The following ZZZ3 variants were observed in gnomAD, a reference collection of about 807,000 sequenced individuals.
ZZZ3 encodes the protein ZZ-type zinc finger-containing protein 3.
In ZZZ3, 22 loss-of-function variants were observed where a neutral mutation model predicts 95.2. The ratio of observed to expected loss-of-function variants is 0.23; its 90% confidence interval spans 0.17 to 0.33. The LOEUF is 0.33. Among genes scored for constraint, ZZZ3 ranks in the 10% least tolerant of loss-of-function variants. The pLI is 1.00. For synonymous variants in ZZZ3, 335 were observed against 358.9 expected, an observed-to-expected ratio of 0.93 and a Z score of 0.75; for missense variants, 885 against 1,066.5, an observed-to-expected ratio of 0.83 and a Z score of 2.37.
chr1:77,657,650 C>T (rs776229384), intron 1 of ZZZ3, among the ~76,000 whole-genome samples: 24 of 152,146 alleles, frequency 1.6e-4, no homozygotes, highest in African/African-American at 2.9e-4. Flanking sequence ...AGTTCACAAA[C>T]GTGGAATCCA....
chr1:77,623,875 G>T (rs1667099757), intron 5 of ZZZ3, among the ~76,000 whole-genome samples: 1 of 151,214 alleles, frequency 6.6e-6, no homozygotes, highest in Non-Finnish European at 1.5e-5. Flanking sequence ...GCTTTCCACA[G>T]TAAAAGAAAT....
Position 77,564,580 on chromosome 1 carries a change from CTG to C in ZZZ3, c.*1058_*1059del, listed in dbSNP as rs1366187307. 1 of 152,568 alleles carries C rather than the reference CTG, an allele frequency of 6.6e-6. No homozygotes were observed. The highest frequency in any genetic ancestry group is 1.5e-5 in the Non-Finnish European group (1 of 68,008). 9.5% of individuals were successfully genotyped at this position (152,568 alleles called of 1,614,324 possible). ...CAAATGAACATCATTCAAGAACATA[CTG>C]TATACACAGATAAGAAGAAACATAC... On this transcript the variant is annotated 3_prime_UTR_variant, in exon 15 of 15. Transcript: ENST00000370801.
In ZZZ3 at chr1:77,621,024, T is replaced by C. The variant is rs1367943326; in HGVS notation, c.1505+10826A>G. Among the ~76,000 whole-genome samples the C allele has an allele frequency of 3.3e-5, 5 of 152,316 alleles. No homozygotes were observed. The South Asian group carries it at 8.3e-4, about 25-fold the overall frequency. Reference sequence around the variant, plus strand: ...TTGTAGAAACAAAAGCTTAGCATCATACTGCCAGCGAAAAATAATTGGAAG... The same window carrying C: ...TTGTAGAAACAAAAGCTTAGCATCACACTGCCAGCGAAAAATAATTGGAAG... On this transcript the variant is annotated intron_variant, in intron 5 of 14. Transcript: ENST00000370801.
intron 1 of ZZZ3, chr1:77,645,319 T>A (rs889378006): frequency 8.5e-5 from 13 of 152,216 alleles, no homozygotes; most frequent in Admixed American, 7.2e-4. Flanking sequence ...AAATACAAAT[T>A]TCTAGCTGGG....
intron 12 of ZZZ3, among the ~76,000 whole-genome samples, chr1:77,570,568 A>G (rs1661278418): frequency 6.6e-6 from 1 of 152,118 alleles, no homozygotes; most frequent in Admixed American, 6.6e-5. Context: ...CATCAAGTCC[A>G]AAGTCTTTGG....
chr1:77,628,142 G>A lies in ZZZ3; in HGVS notation c.1505+3708C>T, dbSNP rs114756511. Among the ~76,000 whole-genome samples the A allele has an allele frequency of 4.1e-3, 628 of 152,244 alleles. 2 individuals are homozygous for A. The highest frequency in any genetic ancestry group is 0.014 in the African/African-American group (589 of 41,542). On this transcript the variant is annotated intron_variant, in intron 5 of 14. Coordinates refer to ENST00000370801, the MANE Select transcript of ZZZ3 (RefSeq NM_015534.6). ...TTCAAAAATTAGCAAGGTCAATTCCGAAACAGAAAGGGCAATCACAGTTAA... is the reference window on the plus strand; with the variant it reads ...TTCAAAAATTAGCAAGGTCAATTCCAAAACAGAAAGGGCAATCACAGTTAA...
intron 5 of ZZZ3, among the ~76,000 whole-genome samples, chr1:77,592,836 T>C (rs946328652): frequency 1.3e-5 from 2 of 152,200 alleles, no homozygotes; most frequent in African/African-American, 4.8e-5. Flanking sequence ...AACTCTTCCC[T>C]GAAGACAACC....
intron 5 of ZZZ3, among the ~76,000 whole-genome samples, chr1:77,616,759 A>G (rs562242460): frequency 6.6e-6 from 1 of 152,166 alleles, no homozygotes; most frequent in Non-Finnish European, 1.5e-5. Flanking sequence ...CCAGCCCAGG[A>G]GGGAGACTGA....
chr1:77,591,873 G>A (rs1018380829), intron 5 of ZZZ3, among the ~76,000 whole-genome samples: 3 of 152,164 alleles, frequency 2.0e-5, no homozygotes, highest in African/African-American at 7.2e-5. Flanking sequence ...CAAAATCTAA[G>A]TGAAAGAATA....
intron 4 of ZZZ3, among the ~76,000 whole-genome samples, chr1:77,637,397 AT>A (rs906070897): frequency 6.6e-6 from 1 of 152,108 alleles, no homozygotes; most frequent in African/African-American, 2.4e-5. Flanking sequence ...CCCTCTGATC[AT>A]TTTTTTCTGT....
At chr1:77,575,282 G>A (rs1661816890) in intron 12 of ZZZ3, among the ~76,000 whole-genome samples, 4 of 152,122 alleles carry the variant, frequency 2.6e-5, no homozygotes, top group South Asian at 4.1e-4. Context: ...GGGGGCAGGG[G>A]GATTACTTTT....
At chr1:77,638,981 C>T (rs1668531783) in intron 4 of ZZZ3, among the ~76,000 whole-genome samples, 1 of 152,122 alleles carries the variant, frequency 6.6e-6, no homozygotes, top group South Asian at 2.1e-4. Flanking sequence ...TCTTTGAAGT[C>T]TGGGAACTCT....
At chr1:77,600,686 T>C (rs1664643418) in intron 5 of ZZZ3, among the ~76,000 whole-genome samples, 1 of 152,036 alleles carries the variant, frequency 6.6e-6, no homozygotes, top group Non-Finnish European at 1.5e-5. Context: ...AGAGATAACA[T>C]GCAGAAACGT....
intron 1 of ZZZ3, among the ~76,000 whole-genome samples, chr1:77,652,678 T>A (rs1197698101): frequency 6.6e-6 from 1 of 152,142 alleles, no homozygotes; most frequent in African/African-American, 2.4e-5. Flanking sequence ...ATAATAGTTA[T>A]AAAGTGGAAG....
chr1:77,614,705 AAT>A (rs1316139822), intron 5 of ZZZ3, among the ~76,000 whole-genome samples: 6 of 152,202 alleles, frequency 3.9e-5, no homozygotes, highest in Non-Finnish European at 8.8e-5. Flanking sequence ...TATACAGGGG[AAT>A]ATGTTACTAG....
intron 12 of ZZZ3, among the ~76,000 whole-genome samples, chr1:77,574,196 A>G (rs1172764639): frequency 1.3e-5 from 2 of 148,848 alleles, no homozygotes; most frequent in African/African-American, 2.4e-5. Context: ...ATATATCTAT[A>G]TATATGGCAA....
intron 9 of ZZZ3, 139 bp downstream of exon 9, chr1:77,580,859 C>CCG: frequency 5.9e-6 from 4 of 677,268 alleles, no homozygotes; most frequent in Non-Finnish European, 1.0e-5. Context: ...CTCCTGACTT[C>CCG]AAGTGATCCA....
intron 1 of ZZZ3, among the ~76,000 whole-genome samples, chr1:77,645,970 C>CAA (rs373733260): frequency 1.9e-4 from 11 of 57,814 alleles, no homozygotes; most frequent in Admixed American, 2.0e-4. Context: ...GACTCCATCT[C>CAA]AAAAAAAAAA....
Position 77,565,765 on chromosome 1 carries a change from G to A in ZZZ3, c.2587C>T (p.His863Tyr). Residue 863 changes from histidine (H) to tyrosine (Y), a missense_variant, in exon 15 of 15, where the codon CAC becomes TAC. Physicochemically the swap from His to Tyr is moderately conservative, Grantham distance 83. Around this residue, in one of 5 missense-constraint regions of ZZZ3, gnomAD observed 221 missense variants for 247.8 expected, o/e 0.89. Transcript: ENST00000370801. Reference protein sequence around the residue: ...CSDCLHETDIHKEDHQLEPIY... With the variant: ...CSDCLHETDIYKEDHQLEPIY... ...GGTTCTAATTGGTGATCTTCCTTGT[G>A]AATATCTGTTTCATGTAGACTGTAA... The A allele has an allele frequency of 6.2e-7, 1 of 1,613,100 alleles. No homozygotes were observed. The highest frequency in any genetic ancestry group is 8.5e-7 in the Non-Finnish European group (1 of 1,179,494).
Sources: gnomAD v4.1 joint callset for allele counts (sites outside exome capture counted in the v4.1 genomes callset) on GRCh38, gnomAD v4.1.1 for gene constraint, gnomAD v4.1.1 regional missense constraint, MANE v1.5 for transcripts, NCBI Gene and HGNC (gene_info 2026-07-23, HGNC 2026-07-21) for gene names.